The following TTLL8 variants were observed in gnomAD, a reference collection of about 807,000 sequenced individuals.
The protein encoded by TTLL8 is protein monoglycylase TTLL8.
TTLL8 carries 65 observed loss-of-function variants against 77.8 expected under a neutral mutation model. The observed-to-expected ratio is 0.84, with a 90% CI of 0.68 to 1.03. The LOEUF (loss-of-function observed/expected upper bound fraction) is 1.03, where lower values mean the gene tolerates loss of function less well. TTLL8 is among the 50% of genes least tolerant of loss of function. TTLL8 has a pLI of 0.00. For synonymous variants in TTLL8, 402 were observed against 422.8 expected (o/e 0.95, Z 0.60); for missense variants, 910 against 1,004.5 (o/e 0.91, Z 1.27).
chr22:50,019,491 G>T (rs2061183011), intron 12 of TTLL8, among the ~76,000 whole-genome samples: 1 of 152,158 alleles, frequency 6.6e-6, no homozygotes, highest in Admixed American at 6.5e-5. Context: ...CTTGGGTGAG[G>T]TCATAAAGAC....
chr22:50,031,270 G>A (rs1292564828), intron 11 of TTLL8, among the ~76,000 whole-genome samples: 1 of 152,226 alleles, frequency 6.6e-6, no homozygotes, highest in East Asian at 1.9e-4. Flanking sequence ...AGGGAGGCCC[G>A]CGAAAGATCC....
rs780238968 is a variant in TTLL8, at chr22:50,034,734, G to A, written c.922-272C>T. Among the ~76,000 whole-genome samples, 18 of 152,060 alleles carry A rather than the reference G, an allele frequency of 1.2e-4. No homozygotes were observed. Among genetic ancestry groups the A allele is most frequent in the African/African-American group, 3.6e-4 (15 of 41,410 alleles). On this transcript the variant is annotated intron_variant, in intron 8 of 13. Transcript: ENST00000266182. The surrounding 1 kb of genome is among the most constrained non-coding windows in gnomAD (Gnocchi z 4.1). The stretch of plus-strand genomic sequence containing the variant: ...CAGTGGGGACCCCGGTGTGTGGGTC[G>A]GAGCTGGCCACAGACCCCAAGCAGC...
upstream of TTLL8, chr22:50,056,836 G>A: frequency 7.8e-7 from 1 of 1,289,678 alleles, no homozygotes; most frequent in Non-Finnish European, 1.0e-6. This position sits in a 1 kb window ranked among gnomAD's most constrained non-coding sequence, Gnocchi z 4.1. Context: ...CTCTGGGCGA[G>A]TGGCTGGCAC....
At chr22:50,057,753 G>C (rs558263036), upstream of TTLL8, among the ~76,000 whole-genome samples, 3 of 149,070 alleles carry the variant, frequency 2.0e-5, no homozygotes, top group Non-Finnish European at 4.5e-5. Context: ...GTCTCAATTG[G>C]GGATCAGGTC....
At chr22:50,037,769 C>T (rs370372121) in intron 8 of TTLL8, among the ~76,000 whole-genome samples, 44 of 152,228 alleles carry the variant, frequency 2.9e-4, no homozygotes, top group Non-Finnish European at 5.3e-4. Context: ...TATTGTAAAC[C>T]TAGAGTAAGT....
chr22:50,023,771 G>A (rs374618755), intron 12 of TTLL8, among the ~76,000 whole-genome samples: 6 of 149,192 alleles, frequency 4.0e-5, no homozygotes, highest in East Asian at 2.0e-4. Context: ...CTGTAATCCC[G>A]GCACTTTGGG....
At chr22:50,024,711 A>G (rs1365388142) in intron 12 of TTLL8, among the ~76,000 whole-genome samples, 1 of 152,214 alleles carries the variant, frequency 6.6e-6, no homozygotes, top group Non-Finnish European at 1.5e-5. Context: ...CAAGGTTGGG[A>G]GTTTTCTTAG....
chr22:50,047,391 G>T, intron 3 of TTLL8, 95 bp from the exon 6 acceptor site: 4 of 1,084,058 alleles, frequency 3.7e-6, no homozygotes, highest in Middle Eastern at 5.0e-4. Flanking sequence ...GACAAATGGC[G>T]TGCAGCGTGA....
chr22:50,048,896 C>T (rs539176061), intron 3 of TTLL8, among the ~76,000 whole-genome samples: 9 of 152,346 alleles, frequency 5.9e-5, no homozygotes, highest in East Asian at 3.9e-4. Context: ...GGAGCTCACT[C>T]GCTGGCCAGG....
At chr22:50,057,387 G>A (rs2061479392), upstream of TTLL8, among the ~76,000 whole-genome samples, 2 of 97,250 alleles carry the variant, frequency 2.1e-5, no homozygotes, top group African/African-American at 5.5e-5. Context: ...TCAGGTCTGG[G>A]TTGGGGTCAG....
At chr22:50,026,966 G>C (rs1223762376) in intron 12 of TTLL8, among the ~76,000 whole-genome samples, 1 of 152,224 alleles carries the variant, frequency 6.6e-6, no homozygotes, top group Non-Finnish European at 1.5e-5. Flanking sequence ...AGGTGCGGTG[G>C]CTCACGCCTG....
intron 12 of TTLL8, among the ~76,000 whole-genome samples, chr22:50,020,345 C>T (rs563372925): frequency 7.0e-5 from 10 of 143,062 alleles, no homozygotes; most frequent in South Asian, 2.4e-4. Flanking sequence ...CTCCATCTAA[C>T]GTGCCCTCCT....
chr22:50,047,680 C>T (rs575701914), intron 3 of TTLL8, among the ~76,000 whole-genome samples: 2 of 152,214 alleles, frequency 1.3e-5, no homozygotes, highest in Non-Finnish European at 2.9e-5. Flanking sequence ...GGGCCCTGCA[C>T]ACCCCTCCCT....
chr22:50,027,867 A>G, intron 12 of TTLL8: 1 of 937,374 alleles, frequency 1.1e-6, no homozygotes, highest in Non-Finnish European at 1.3e-6. Flanking sequence ...CGTGCCCTCG[A>G]GGGCCTGACC....
intron 8 of TTLL8, among the ~76,000 whole-genome samples, chr22:50,035,627 G>A (rs755366267): frequency 3.9e-5 from 6 of 152,210 alleles, no homozygotes; most frequent in Non-Finnish European, 5.9e-5. Context: ...GGAGCAAACC[G>A]GGCACAGCCA....
Position 50,028,863 on chromosome 22 carries a change from AC to A in TTLL8, c.2203+1566del, listed in dbSNP as rs200793740. On this transcript the variant is annotated intron_variant, in intron 12 of 13. Transcript: ENST00000266182. ...AAGACCCCCACATACCCTCGTAAAG[AC>A]CCCCATCACACCATCCTAAAGACCC... Among the ~76,000 whole-genome samples the A allele has an allele frequency of 2.5e-3, 19 of 7,652 alleles. 4 individuals carry two copies. Among genetic ancestry groups the A allele is most frequent in the African/African-American group, 0.012 (9 of 722 alleles). 5.0% of individuals were successfully genotyped at this position (7,652 alleles called of 152,430 possible).
At position 50,034,552 on chromosome 22, in the gene TTLL8, C is replaced by T; in HGVS notation, c.922-90G>A. The T allele has an allele frequency of 3.2e-6, 4 of 1,247,098 alleles. No individual in the cohort carries two copies. The highest frequency in any genetic ancestry group is 1.5e-5 in the African/African-American group (1 of 65,032). The allele number at this position is 1,247,098 out of a possible 1,614,324, so 77.3% of individuals were successfully genotyped here. A position where few individuals can be genotyped will look rare whatever the true frequency, so the allele number is the denominator to read the frequency against. On this transcript the variant is annotated intron_variant, in intron 8 of 13. Coordinates refer to ENST00000266182, the Ensembl canonical transcript of TTLL8. The surrounding 1 kb of genome is among the most constrained non-coding windows in gnomAD (Gnocchi z 4.1). ...GTGCATGAGACTTGGAGGCCTGGGCCCCGCCTCACCCACCAAGCAGGCGCT... is the reference window on the plus strand; with the variant it reads ...GTGCATGAGACTTGGAGGCCTGGGCTCCGCCTCACCCACCAAGCAGGCGCT...
chr22:50,045,635 C>G (rs551110540), intron 5 of TTLL8: 1 of 595,104 alleles, frequency 1.7e-6, no homozygotes, highest in South Asian at 7.4e-5. Context: ...CTGCTCGCCG[C>G]GCTGTCCACA....
chr22:50,033,050 C>T (rs2061308934), intron 10 of TTLL8, 152 bp downstream of exon 11: 3 of 840,418 alleles, frequency 3.6e-6, no homozygotes, highest in Non-Finnish European at 4.3e-6. Flanking sequence ...TCATCAGCCT[C>T]CCAAGCCTCA....
Sources: allele counts gnomAD v4.1 joint callset (sites outside exome capture counted in the v4.1 genomes callset), GRCh38; gene constraint gnomAD v4.1.1; non-coding constraint Gnocchi (gnomAD v3.1); transcripts MANE v1.5; gene names NCBI Gene and HGNC (gene_info 2026-07-23, HGNC 2026-07-21).